Variants in VRK2 observed in about 807,000 individuals in gnomAD.
VRK2 encodes serine/threonine-protein kinase VRK2.
A neutral mutation model predicts 57.6 loss-of-function variants in VRK2; 60 were observed. That is an observed-to-expected ratio of 1.04 (90% CI 0.85 to 1.29). VRK2 has a LOEUF of 1.29. Among genes scored for constraint, VRK2 ranks in the 50% most tolerant of loss-of-function variants. VRK2 has a pLI of 0.00. For synonymous variants in VRK2, 231 were observed against 199.2 expected (o/e 1.16, Z -1.35); for missense variants, 705 against 588.1 (o/e 1.20, Z -2.06).
At chr2:58,123,659 C>T (rs552827572) in intron 8 of VRK2, among the ~76,000 whole-genome samples, 2 of 152,066 alleles carry the variant, frequency 1.3e-5, no homozygotes, top group Admixed American at 6.5e-5. Flanking sequence ...TCTAGGAGTT[C>T]AAGACCAGTT....
intron 1 of VRK2, among the ~76,000 whole-genome samples, chr2:58,025,190 A>G (rs974321050): frequency 4.6e-5 from 7 of 152,156 alleles, no homozygotes; most frequent in Non-Finnish European, 8.8e-5. Flanking sequence ...ATGTGACCTT[A>G]GGCAGATAAC....
At chr2:58,122,895 T>C (rs1677733280) in intron 7 of VRK2, among the ~76,000 whole-genome samples, 1 of 152,176 alleles carries the variant, frequency 6.6e-6, no homozygotes, top group Admixed American at 6.5e-5. Context: ...AGAAATAAGA[T>C]ATGCCAATGA....
intron 1 of VRK2, among the ~76,000 whole-genome samples, chr2:57,977,458 G>T (rs1672286187): frequency 6.6e-6 from 1 of 151,918 alleles, no homozygotes; most frequent in Non-Finnish European, 1.5e-5. Flanking sequence ...GTATTCCTGG[G>T]TATTTTTTTT....
intron 2 of VRK2, among the ~76,000 whole-genome samples, chr2:58,069,144 A>G (rs1246099920): frequency 6.6e-6 from 1 of 152,152 alleles, no homozygotes; most frequent in African/African-American, 2.4e-5. Context: ...CTTATTTCTA[A>G]CAGAGAATAC....
At chr2:58,109,932 C>T (rs1241137511) in intron 7 of VRK2, among the ~76,000 whole-genome samples, 1 of 152,086 alleles carries the variant, frequency 6.6e-6, no homozygotes, top group African/African-American at 2.4e-5. Context: ...TCTTTTTAAT[C>T]ATTAGCTTTA....
intron 5 of VRK2, among the ~76,000 whole-genome samples, chr2:58,087,113 A>G (rs1257531067): frequency 3.3e-5 from 5 of 152,150 alleles, no homozygotes; most frequent in Admixed American, 2.6e-4. Context: ...AAAAAGAAAA[A>G]AAGTGTGTCA....
At chr2:58,071,729 TCTGA>T (rs1475871425) in intron 2 of VRK2, among the ~76,000 whole-genome samples, 2 of 152,100 alleles carry the variant, frequency 1.3e-5, no homozygotes, top group Admixed American at 1.3e-4. Flanking sequence ...GTGCAAGTCC[TCTGA>T]CTTTGTTCTT....
At chr2:58,068,498 G>A (rs1558590756) in intron 2 of VRK2, among the ~76,000 whole-genome samples, 1 of 152,002 alleles carries the variant, frequency 6.6e-6, no homozygotes, top group Admixed American at 6.6e-5. Context: ...ATGTGTCTGG[G>A]CATTGATTTC....
chr2:58,100,559 A>G (rs1317386479), intron 7 of VRK2, among the ~76,000 whole-genome samples: 1 of 151,948 alleles, frequency 6.6e-6, no homozygotes, highest in African/African-American at 2.4e-5. Context: ...TCAGATAAGC[A>G]AAGAGACTTT....
At chr2:57,964,874 C>T (rs1200083653) in intron 1 of VRK2, among the ~76,000 whole-genome samples, 9 of 79,828 alleles carry the variant, frequency 1.1e-4, no homozygotes, top group Admixed American at 6.0e-4. Context: ...AATGAGAATC[C>T]ATCTCAAAAA....
intron 7 of VRK2, among the ~76,000 whole-genome samples, chr2:58,100,971 G>A (rs1673873618): frequency 1.3e-5 from 2 of 151,586 alleles, no homozygotes; most frequent in Admixed American, 1.3e-4. Flanking sequence ...CTTAACATGG[G>A]CCAAACCAGA....
chr2:58,135,905 G>T (rs745381516), intron 10 of VRK2, among the ~76,000 whole-genome samples: 2 of 152,142 alleles, frequency 1.3e-5, no homozygotes, highest in Non-Finnish European at 2.9e-5. Flanking sequence ...GAAAAAGCCA[G>T]TGCCCACTAT....
At chr2:57,978,962 T>A (rs1254433287) in intron 1 of VRK2, among the ~76,000 whole-genome samples, 1 of 151,070 alleles carries the variant, frequency 6.6e-6, no homozygotes, top group Non-Finnish European at 1.5e-5. Flanking sequence ...TTCATCTATG[T>A]CCCTGCAAAG....
upstream of VRK2, among the ~76,000 whole-genome samples, chr2:58,042,388 T>A (rs1422983480): frequency 6.6e-6 from 1 of 152,190 alleles, no homozygotes; most frequent in African/African-American, 2.4e-5. Context: ...AGGAACTGCT[T>A]AGCTGTTTAG....
chr2:58,134,639 A>T (rs1476979229), intron 9 of VRK2, among the ~76,000 whole-genome samples: 1 of 147,088 alleles, frequency 6.8e-6, no homozygotes, highest in Non-Finnish European at 1.5e-5. Flanking sequence ...AAAAAAAAAG[A>T]ATATGGACAG....
At chr2:58,108,920 C>A (rs187238048) in intron 7 of VRK2, among the ~76,000 whole-genome samples, 16 of 152,294 alleles carry the variant, frequency 1.1e-4, no homozygotes, top group African/African-American at 3.1e-4. Flanking sequence ...CCTTACTCAT[C>A]CTTTTTTCTC....
At chr2:57,982,939 T>C (rs566923016) in intron 1 of VRK2, among the ~76,000 whole-genome samples, 22 of 152,292 alleles carry the variant, frequency 1.4e-4, no homozygotes, top group Admixed American at 1.4e-3. Flanking sequence ...TCAGATGTCT[T>C]TGGGTGTTGT....
chr2:57,922,706 C>T (rs1370546089), intron 1 of VRK2, among the ~76,000 whole-genome samples: 1 of 151,692 alleles, frequency 6.6e-6, no homozygotes, highest in African/African-American at 2.4e-5. Context: ...GTAAATGGGG[C>T]ATTCATGACC....
At chr2:57,960,478 G>A (rs998826186) in intron 1 of VRK2, among the ~76,000 whole-genome samples, 2 of 152,190 alleles carry the variant, frequency 1.3e-5, no homozygotes, top group African/African-American at 4.8e-5. Context: ...ATGGTCTGGT[G>A]CATTCACTTA....
Sources: allele counts gnomAD v4.1 joint callset (sites outside exome capture counted in the v4.1 genomes callset), GRCh38; gene constraint gnomAD v4.1.1; transcripts MANE v1.5; gene names NCBI Gene and HGNC (gene_info 2026-07-23, HGNC 2026-07-21).